TENT4A: variants seen among roughly 807,000 people sequenced by gnomAD.
The protein encoded by TENT4A is DNA polymerase kappa.
A neutral mutation model predicts 72.8 loss-of-function variants in TENT4A; 7 were observed. The observed-to-expected ratio is 0.10, with a 90% CI of 0.05 to 0.18. The LOEUF is 0.18. Among genes scored for constraint, TENT4A ranks in the 10% least tolerant of loss-of-function variants. TENT4A has a pLI of 1.00. For missense variants in TENT4A, 831 were observed against 1,017.7 expected (o/e 0.82, Z 2.50); for synonymous variants, 456 against 434.3 (o/e 1.05, Z -0.62).
At chr5:6,732,172 C>A (rs542759811) in intron 1 of TENT4A, among the ~76,000 whole-genome samples, 2 of 152,326 alleles carry the variant, frequency 1.3e-5, no homozygotes, top group South Asian at 2.1e-4. Flanking sequence ...GGGAGAGATA[C>A]AAAGCGCCTG....
At chr5:6,730,847 A>G (rs1357225181) in intron 1 of TENT4A, among the ~76,000 whole-genome samples, 2 of 152,216 alleles carry the variant, frequency 1.3e-5, no homozygotes, top group African/African-American at 4.8e-5. Flanking sequence ...TCAAAAATAA[A>G]TAAAAATGAT....
At chr5:6,751,553 C>G (rs1472908516) in intron 11 of TENT4A, 1 of 208,484 alleles carries the variant, frequency 4.8e-6, no homozygotes, top group African/African-American at 2.3e-5. Flanking sequence ...CAAGCCGTGC[C>G]AGACACTTGT....
chr5:6,715,306 T>G (rs1740312193), intron 1 of TENT4A, among the ~76,000 whole-genome samples: 1 of 152,236 alleles, frequency 6.6e-6, no homozygotes, highest in African/African-American at 2.4e-5. Flanking sequence ...GTCTATTCTT[T>G]GGAAGGTGCC....
chr5:6,730,747 C>T (rs1460130113), intron 1 of TENT4A, among the ~76,000 whole-genome samples: 1 of 130,234 alleles, frequency 7.7e-6, no homozygotes, highest in African/African-American at 2.7e-5. Flanking sequence ...TTCTTTCGAG[C>T]CTTAATTTAA....
intron 11 of TENT4A, 54 bp from the exon 12 acceptor site, chr5:6,752,819 T>C (rs1742482318): frequency 7.8e-6 from 12 of 1,540,300 alleles, no homozygotes; most frequent in Middle Eastern, 1.7e-4. Flanking sequence ...AGAAGCCGGA[T>C]GGTTTTCCTC....
intron 1 of TENT4A, among the ~76,000 whole-genome samples, chr5:6,720,719 TA>T (rs912058455): frequency 7.2e-6 from 1 of 138,536 alleles, no homozygotes; most frequent in South Asian, 2.3e-4. Flanking sequence ...AATAAATAAA[TA>T]AAAGTTTGCA....
chr5:6,744,942 C>T (rs1176918924), intron 6 of TENT4A, among the ~76,000 whole-genome samples: 2 of 152,100 alleles, frequency 1.3e-5, no homozygotes, highest in African/African-American at 4.8e-5. Flanking sequence ...GGGTCCAGGG[C>T]CTCCTCCACC....
At chr5:6,731,899 G>A (rs142806442) in intron 1 of TENT4A, among the ~76,000 whole-genome samples, 337 of 152,280 alleles carry the variant, frequency 2.2e-3, no homozygotes, top group Non-Finnish European at 3.3e-3. Flanking sequence ...AGAGACCTGC[G>A]TTATGAAGTG....
rs1246930341 is a variant in TENT4A at position 6,739,724 on chromosome 5, T to C, written c.888-8T>C. On this transcript the variant is annotated splice_region_variant and splice_polypyrimidine_tract_variant and intron_variant, in intron 3 of 12. Coordinates refer to ENST00000230859, the MANE Select transcript of TENT4A (RefSeq NM_006999.6). ...GAGCAGTGGCTGACGTGCGTTTTCT[T>C]CTGTCAGCGACATAGACCTGGTGGT... 1 of 1,613,806 alleles carries C rather than the reference T, an allele frequency of 6.2e-7. No individual in the cohort carries two copies. Among genetic ancestry groups the C allele is most frequent in the African/African-American group, 1.3e-5 (1 of 75,048 alleles).
In TENT4A at chr5:6,714,590, C is replaced by T; in HGVS notation, c.607C>T (p.Leu203=). 1.7e-6 allele frequency: 2 copies of T among 1,198,860 alleles called. No individual in the cohort carries two copies. The highest frequency in any genetic ancestry group is 2.1e-6 in the Non-Finnish European group (2 of 966,610). The allele number at this position is 1,198,860 out of a possible 1,614,324, so 74.3% of individuals were successfully genotyped here. ...CAGCACCTACGGCCTCAACTACCTG[C>T]TGTCCGGCAGCCGCGCGGCCGCTCT... is the stretch of plus-strand genomic sequence containing the variant. ...KASTYGLNYL[L]SGSRAAALSG... Residue 203 remains leucine, a synonymous_variant, in exon 1 of 13, where the codon CTG becomes TTG. Coordinates refer to ENST00000230859, the MANE Select transcript of TENT4A (RefSeq NM_006999.6).
At chr5:6,751,485 C>G in intron 11 of TENT4A, 1 of 382,790 alleles carries the variant, frequency 2.6e-6, no homozygotes, top group South Asian at 3.9e-5. Flanking sequence ...CAGCATGAGA[C>G]TGCTGTCGAG....
At chr5:6,716,061 A>G (rs1431216611) in intron 1 of TENT4A, among the ~76,000 whole-genome samples, 1 of 152,104 alleles carries the variant, frequency 6.6e-6, no homozygotes, top group Non-Finnish European at 1.5e-5. Context: ...CACTAGAAAA[A>G]ACAGGAAGAC....
At chr5:6,745,854 G>A (rs866281891) in intron 6 of TENT4A, 6 of 355,570 alleles carry the variant, frequency 1.7e-5, no homozygotes, top group South Asian at 2.7e-5. Context: ...ACGAAATTAG[G>A]ATGACGAGAA....
At chr5:6,749,745 C>A in intron 9 of TENT4A, 88 bp downstream of exon 9, 1 of 855,930 alleles carries the variant, frequency 1.2e-6, no homozygotes, top group South Asian at 1.5e-5. Context: ...GTAAATTGGT[C>A]AAATTAAGAA....
At chr5:6,745,678 G>A (rs995306395) in intron 6 of TENT4A, among the ~76,000 whole-genome samples, 1 of 152,182 alleles carries the variant, frequency 6.6e-6, no homozygotes. Flanking sequence ...ACTGAGAGTG[G>A]TGCTCATCTG....
At position 6,754,922 on chromosome 5, in the gene TENT4A, C is replaced by G. The variant is rs144388348; in HGVS notation, c.2356C>G (p.Leu786Val). Reference sequence around the variant, plus strand: ...AAAACACACACACACACGGGACAGTCTGCCCGTGAGCCTCAGCAGATAATG... The same window carrying G: ...AAAACACACACACACACGGGACAGTGTGCCCGTGAGCCTCAGCAGATAATG... The part of the protein sequence containing the change: ...RKKHTHTRDS[L>V]PVSLSR The change falls in exon 13 of 13, where the codon CTG becomes GTG. Residue 786 changes from leucine (L) to valine (V), a missense_variant. Leu to Val is a conservative substitution (Grantham distance 32). Transcript: ENST00000230859. 5.5e-5 allele frequency: 87 copies of G among 1,587,746 alleles called. No homozygotes were observed. The African/African-American group carries it at 9.1e-4, about 17-fold the overall frequency.
Position 6,713,912 on chromosome 5 carries a change from C to A in TENT4A, c.-72C>A, listed in dbSNP as rs1365456743. ...GTCCGTCCGTGCGCGCGCGGCCGGG[C>A]CTCGGGGCGCGGCGGGGGCGGGGCC... On this transcript the variant is annotated 5_prime_UTR_variant, in exon 1 of 13. Transcript: ENST00000230859. The A allele has an allele frequency of 1.7e-6, 1 of 598,562 alleles. No homozygotes were observed. Among genetic ancestry groups the A allele is most frequent in the Non-Finnish European group, 2.1e-6 (1 of 480,024 alleles). 37.1% of individuals were successfully genotyped at this position (598,562 alleles called of 1,614,324 possible).
intron 4 of TENT4A, among the ~76,000 whole-genome samples, chr5:6,740,742 C>A (rs416689): frequency 2.0e-5 from 3 of 152,036 alleles, no homozygotes; most frequent in African/African-American, 7.2e-5. Context: ...TGGACCAGAG[C>A]GAGCAGGCAG....
At position 6,714,352 on chromosome 5, in the gene TENT4A, C is replaced by T. The variant is rs1346994004; in HGVS notation, c.369C>T (p.Thr123=). 1.9e-5 allele frequency: 22 copies of T among 1,138,376 alleles called. No individual in the cohort carries two copies. The Admixed American group carries it at 1.9e-4, about 10-fold the overall frequency. 70.5% of individuals were successfully genotyped at this position (1,138,376 alleles called of 1,614,324 possible). The part of the protein sequence containing the change: ...SSSSSNAESG[T]ESPGCSSSSS... The stretch of plus-strand genomic sequence containing the variant: ...CCTCGTCCAACGCGGAGTCGGGCAC[C>T]GAGAGCCCCGGCTGCTCGTCGTCGT... Residue 123 remains threonine, a synonymous_variant, in exon 1 of 13, where the codon ACC becomes ACT. Coordinates refer to ENST00000230859, the MANE Select transcript of TENT4A (RefSeq NM_006999.6).
Sources: gnomAD v4.1 joint callset for allele counts (sites outside exome capture counted in the v4.1 genomes callset) on GRCh38, gnomAD v4.1.1 for gene constraint, MANE v1.5 for transcripts, NCBI Gene and HGNC (gene_info 2026-07-23, HGNC 2026-07-21) for gene names.